Variants in TAC4 observed in about 807,000 individuals in gnomAD.
The protein encoded by TAC4 is tachykinin precursor 4.
A neutral mutation model predicts 17.7 loss-of-function variants in TAC4; 17 were observed. The observed-to-expected ratio is 0.96, with a 90% CI of 0.66 to 1.44. TAC4 has a LOEUF of 1.44. Ranked by LOEUF, TAC4 falls within the 40% of genes most tolerant of loss-of-function variation. The pLI is 0.00. For synonymous variants in TAC4, 62 were observed against 52.4 expected, an observed-to-expected ratio of 1.18 and a Z score of -0.79; for missense variants, 118 against 125.6, an observed-to-expected ratio of 0.94 and a Z score of 0.29.
chr17:49,847,428 G>T, intron 1 of TAC4: 1 of 478,148 alleles, frequency 2.1e-6, no homozygotes, highest in South Asian at 2.0e-5. Flanking sequence ...GAAAATTCTG[G>T]AAAAGCTCCT....
At chr17:49,843,208 G>C (rs1158658240) in intron 2 of TAC4, among the ~76,000 whole-genome samples, 1 of 152,182 alleles carries the variant, frequency 6.6e-6, no homozygotes, top group Non-Finnish European at 1.5e-5. Context: ...TTCACACCAA[G>C]CCAACACGGA....
chr17:49,847,680 CACACACACACAG>C (rs1395298215), intron 1 of TAC4: 35 of 521,448 alleles, frequency 6.7e-5, no homozygotes, highest in Non-Finnish European at 9.2e-5. Context: ...TACACACACA[CACACACACACAG>C]ACACACACAC....
At chr17:49,845,159 T>TC (rs968359580) in intron 1 of TAC4, among the ~76,000 whole-genome samples, 2 of 152,144 alleles carry the variant, frequency 1.3e-5, no homozygotes, top group Non-Finnish European at 2.9e-5. Context: ...CCCAGGCACT[T>TC]CCCCCATTGT....
intron 4 of TAC4, 109 bp downstream of exon 4, chr17:49,839,741 G>T (rs2074482769): frequency 3.8e-6 from 4 of 1,041,236 alleles, no homozygotes; most frequent in Non-Finnish European, 5.6e-6. Flanking sequence ...ATGATGGCTT[G>T]TGGGGAGCCT....
In TAC4 at chr17:49,839,508, G is replaced by A. The variant is rs118113180; in HGVS notation, c.292+342C>T. ...ATCAATGATTAGTGTAACGATCAAC[G>A]ATTAGAGCTTTGCAAACAGTGAGGG... On this transcript the variant is annotated intron_variant, in intron 4 of 4. Transcript: ENST00000436235. Among the ~76,000 whole-genome samples, 296 of 152,326 alleles carry A rather than the reference G, an allele frequency of 1.9e-3. 4 individuals carry two copies. In the East Asian group the frequency reaches 0.042, roughly 22 times the overall value.
In TAC4 at chr17:49,838,533, T is replaced by C; in HGVS notation, c.*109A>G. 7.3e-7 allele frequency: 1 copy of C among 1,364,942 alleles called. No individual in the cohort carries two copies. Among genetic ancestry groups the C allele is most frequent in the Middle Eastern group, 1.8e-4 (1 of 5,580 alleles). 84.6% of individuals were successfully genotyped at this position (1,364,942 alleles called of 1,614,324 possible). A position where few individuals can be genotyped will look rare whatever the true frequency, so the allele number is the denominator to read the frequency against. On this transcript the variant is annotated 3_prime_UTR_variant, in exon 5 of 5. Coordinates refer to ENST00000436235, the MANE Select transcript of TAC4 (RefSeq NM_001077506.2). ...TGGGCCTTGTGTGAAGTGCCAGCGA[T>C]GAGGACAGGAGACACAGAGAAGAGA...
intron 3 of TAC4, among the ~76,000 whole-genome samples, chr17:49,841,244 CTTTTTTTT>C (rs745671170): frequency 2.6e-4 from 29 of 110,366 alleles, no homozygotes; most frequent in African/African-American, 6.7e-4. Flanking sequence ...TAGTGGTTGA[CTTTTTTTT>C]TTTTTTTTTT....
intron 2 of TAC4, 42 bp from the exon 3 acceptor site, chr17:49,841,626 T>G: frequency 6.6e-7 from 1 of 1,514,490 alleles, no homozygotes; most frequent in South Asian, 1.3e-5. Flanking sequence ...ACTGCACTGC[T>G]TCCCTGGGGG....
intron 3 of TAC4, 99 bp downstream of exon 3, chr17:49,841,453 G>A: frequency 7.6e-7 from 1 of 1,309,382 alleles, no homozygotes; most frequent in South Asian, 1.6e-5. Context: ...GCTTGCCCCT[G>A]GCCAGAGCAT....
chr17:49,844,272 G>A lies in TAC4; in HGVS notation c.106-115C>T. 3 of 843,440 alleles carry A rather than the reference G, an allele frequency of 3.6e-6. No individual in the cohort carries two copies. The South Asian group carries it at 4.3e-5, about 12-fold the overall frequency. 52.2% of individuals were successfully genotyped at this position (843,440 alleles called of 1,614,324 possible). A position where few individuals can be genotyped will look rare whatever the true frequency, so the allele number is the denominator to read the frequency against. On this transcript the variant is annotated intron_variant, in intron 1 of 4. Coordinates refer to ENST00000436235, the MANE Select transcript of TAC4 (RefSeq NM_001077506.2). ...CTGGTGGTCAGCAGAGACTTGCTGT[G>A]CACTGGCACTGGGCACCTCAGCATA... is the stretch of plus-strand genomic sequence containing the variant.
rs2074473438 is a variant in TAC4, at chr17:49,838,589, C to G, written c.*53G>C. On this transcript the variant is annotated 3_prime_UTR_variant, in exon 5 of 5. Coordinates refer to ENST00000436235, the MANE Select transcript of TAC4 (RefSeq NM_001077506.2). ...CCTGCCGGCTTGTCAGCTGTGACATCCAGGTAGGAAGAAGCGGCACCGTGT... is the reference window on the plus strand; with the variant it reads ...CCTGCCGGCTTGTCAGCTGTGACATGCAGGTAGGAAGAAGCGGCACCGTGT... 1.6e-5 allele frequency: 25 copies of G among 1,611,438 alleles called. No individual in the cohort carries two copies. The Admixed American group carries it at 3.8e-4, about 25-fold the overall frequency.
chr17:49,839,619 C>A (rs554560927), intron 4 of TAC4, among the ~76,000 whole-genome samples: 1 of 152,216 alleles, frequency 6.6e-6, no homozygotes, highest in East Asian at 1.9e-4. Flanking sequence ...GGGGGCAGGG[C>A]AGAGTGTGCC....
intron 1 of TAC4, chr17:49,846,794 G>T: frequency 2.3e-6 from 1 of 434,784 alleles, no homozygotes; most frequent in Non-Finnish European, 3.9e-6. Context: ...CGTTTCCCAT[G>T]GGGCTGCGTA....
At chr17:49,846,526 C>T (rs1386453463) in intron 1 of TAC4, among the ~76,000 whole-genome samples, 2 of 152,202 alleles carry the variant, frequency 1.3e-5, no homozygotes, top group Non-Finnish European at 2.9e-5. Context: ...GTCCTTCTGC[C>T]TCTGCCTCCC....
intron 2 of TAC4, among the ~76,000 whole-genome samples, chr17:49,841,822 C>A (rs1016916689): frequency 6.6e-6 from 1 of 151,514 alleles, no homozygotes; most frequent in Admixed American, 6.6e-5. Context: ...GGGTGGGCAT[C>A]CTTGGGAAAA....
At chr17:49,844,279 C>A in intron 1 of TAC4, 122 bp from the exon 2 acceptor site, 1 of 787,236 alleles carries the variant, frequency 1.3e-6, no homozygotes, top group Admixed American at 1.9e-5. Context: ...TGTGCACTGG[C>A]ACTGGGCACC....
intron 1 of TAC4, 74 bp from the exon 2 acceptor site, chr17:49,844,231 A>G (rs1181052512): frequency 5.0e-6 from 7 of 1,408,750 alleles, no homozygotes; most frequent in Middle Eastern, 1.8e-4. Flanking sequence ...GGCAATGGCA[A>G]TCTCAGGAGT....
At position 49,838,665 on chromosome 17, in the gene TAC4, CCT is replaced by C. The variant is rs759826496; in HGVS notation, c.299_300del (p.Glu100GlyfsTer2). The C allele has an allele frequency of 8.7e-6, 14 of 1,613,210 alleles. No homozygotes were observed. In the African/African-American group the frequency reaches 1.5e-4, roughly 17 times the overall value. The stretch of plus-strand genomic sequence containing the variant: ...TTTTACTCTGAACCTTGGGCCTCAT[CCT>C]CTCTGCCTGGGGAGAGTTTGGTATA... Reference protein sequence around the residue: ...GKRSLFTEGREDEAQGSE With the variant: ...GKRSLFTEGRXDEAQGSE On this transcript the variant is annotated frameshift_variant, in exon 5 of 5. Coordinates refer to ENST00000436235, the MANE Select transcript of TAC4 (RefSeq NM_001077506.2). LOFTEE classifies it high-confidence loss of function.
At position 49,838,550 on chromosome 17, in the gene TAC4, G is replaced by T. The variant is rs1168316070; in HGVS notation, c.*92C>A. 6.6e-7 allele frequency: 1 copy of T among 1,506,018 alleles called. No individual in the cohort carries two copies. Among genetic ancestry groups the T allele is most frequent in the Non-Finnish European group, 9.2e-7 (1 of 1,083,384 alleles). 93.3% of individuals were successfully genotyped at this position (1,506,018 alleles called of 1,614,324 possible). ...GCCAGCGATGAGGACAGGAGACACA[G>T]AGAAGAGAGTTGGCCTGCCGGCTTG... On this transcript the variant is annotated 3_prime_UTR_variant, in exon 5 of 5. Coordinates refer to ENST00000436235, the MANE Select transcript of TAC4 (RefSeq NM_001077506.2).
Sources: gnomAD v4.1 joint callset for allele counts (sites outside exome capture counted in the v4.1 genomes callset) on GRCh38, gnomAD v4.1.1 for gene constraint, MANE v1.5 for transcripts, NCBI Gene and HGNC (gene_info 2026-07-23, HGNC 2026-07-21) for gene names.